ZFPM2: variants seen among roughly 807,000 people sequenced by gnomAD.
ZFPM2 encodes zinc finger protein ZFPM2.
Under a neutral mutation model 98.6 loss-of-function variants are expected in ZFPM2, and 20 were observed. The ratio of observed to expected loss-of-function variants is 0.20; its 90% CI spans 0.14 to 0.29. ZFPM2 has a LOEUF of 0.29. ZFPM2 is among the 10% of genes least tolerant of loss of function. The pLI is 1.00. For missense variants in ZFPM2, 1,310 were observed against 1,388.6 expected, an observed-to-expected ratio of 0.94 and a Z score of 0.90; for synonymous variants, 518 against 502.7, an observed-to-expected ratio of 1.03 and a Z score of -0.41.
chr8:105,534,992 C>A (rs566712909), intron 3 of ZFPM2, among the ~76,000 whole-genome samples: 1 of 152,146 alleles, frequency 6.6e-6, no homozygotes, highest in Admixed American at 6.5e-5. Context: ...TGGCATTCTC[C>A]GAATACATGG....
intron 5 of ZFPM2, among the ~76,000 whole-genome samples, chr8:105,697,722 A>G (rs960894479): frequency 5.3e-5 from 8 of 152,196 alleles, no homozygotes. Flanking sequence ...TTAGTTTACA[A>G]TTTTAAAAAT....
chr8:105,459,999 C>T (rs1243916039), intron 3 of ZFPM2, among the ~76,000 whole-genome samples: 1 of 152,082 alleles, frequency 6.6e-6, no homozygotes, highest in Non-Finnish European at 1.5e-5. Flanking sequence ...GCTTCCCTCA[C>T]CCCTTGTTCC....
chr8:105,589,394 T>C (rs1305126969), intron 4 of ZFPM2, among the ~76,000 whole-genome samples: 1 of 152,174 alleles, frequency 6.6e-6, no homozygotes, highest in Non-Finnish European at 1.5e-5. Context: ...GGCTATACTT[T>C]ATATATATTT....
chr8:105,704,364 A>G (rs1458258968), intron 5 of ZFPM2, among the ~76,000 whole-genome samples: 1 of 152,178 alleles, frequency 6.6e-6, no homozygotes, highest in East Asian at 1.9e-4. Flanking sequence ...ACGCTGTCTG[A>G]AATGTCATGG....
intron 5 of ZFPM2, among the ~76,000 whole-genome samples, chr8:105,757,588 A>G (rs765061105): frequency 1.3e-5 from 2 of 152,136 alleles, no homozygotes; most frequent in Non-Finnish European, 2.9e-5. Flanking sequence ...CACTTTGGCT[A>G]TTTTACCAAT....
chr8:105,392,688 TTACTA>T (rs1371152297), intron 1 of ZFPM2, among the ~76,000 whole-genome samples: 2 of 152,192 alleles, frequency 1.3e-5, no homozygotes, highest in Non-Finnish European at 2.9e-5. Context: ...CGAAACTACT[TTACTA>T]TAATGTCACT....
At chr8:105,610,625 G>A (rs1232201472) in intron 4 of ZFPM2, among the ~76,000 whole-genome samples, 2 of 151,982 alleles carry the variant, frequency 1.3e-5, no homozygotes, top group African/African-American at 2.4e-5. Flanking sequence ...TATATTGGGG[G>A]CTCTGTGGCC....
At chr8:105,649,172 C>G (rs564463294) in intron 5 of ZFPM2, among the ~76,000 whole-genome samples, 1 of 152,196 alleles carries the variant, frequency 6.6e-6, no homozygotes, top group East Asian at 1.9e-4. Context: ...TGATTCGGCC[C>G]CCTCTTTGTC....
intron 3 of ZFPM2, among the ~76,000 whole-genome samples, chr8:105,478,794 T>G (rs1395571558): frequency 6.6e-6 from 1 of 152,236 alleles, no homozygotes; most frequent in African/African-American, 2.4e-5. Flanking sequence ...TGAGAAGCAC[T>G]GCCTTGGAAG....
At chr8:105,704,650 T>C (rs913886855) in intron 5 of ZFPM2, among the ~76,000 whole-genome samples, 4 of 152,196 alleles carry the variant, frequency 2.6e-5, no homozygotes, top group South Asian at 2.1e-4. Flanking sequence ...TATGGAAGGC[T>C]GCAAGATTCC....
intron 5 of ZFPM2, among the ~76,000 whole-genome samples, chr8:105,659,515 T>C (rs1459231973): frequency 6.6e-6 from 1 of 152,196 alleles, no homozygotes; most frequent in Non-Finnish European, 1.5e-5. Context: ...ATCAAATAAA[T>C]TGTTTTTACC....
At chr8:105,378,713 T>A (rs1810781061) in intron 1 of ZFPM2, among the ~76,000 whole-genome samples, 1 of 152,206 alleles carries the variant, frequency 6.6e-6, no homozygotes, top group South Asian at 2.1e-4. Context: ...TTTTATTTGA[T>A]ATACCGTGTA....
intron 4 of ZFPM2, among the ~76,000 whole-genome samples, chr8:105,603,249 C>G (rs1816128878): frequency 6.6e-6 from 1 of 152,014 alleles, no homozygotes; most frequent in African/African-American, 2.4e-5. Flanking sequence ...TAGAATTATA[C>G]AGATTCTTGC....
rs371243600 is a variant in ZFPM2 at position 105,322,894 on chromosome 8, G to A, written c.40+3913G>A. On this transcript the variant is annotated intron_variant, in intron 1 of 7. Coordinates refer to ENST00000407775, the MANE Select transcript of ZFPM2 (RefSeq NM_012082.4). ...TGAGATGATATAACAATTTTAGGCC[G>A]TACGAATTCCTAACTTGCGCATTGG... is the stretch of plus-strand genomic sequence containing the variant. 8.0e-4 allele frequency among the ~76,000 whole-genome samples: 122 copies of A among 152,066 alleles called. 3 individuals carry two copies. In the South Asian group the frequency reaches 0.02, roughly 25 times the overall value.
At chr8:105,575,312 A>T (rs1815440900) in intron 4 of ZFPM2, among the ~76,000 whole-genome samples, 1 of 152,172 alleles carries the variant, frequency 6.6e-6, no homozygotes, top group Non-Finnish European at 1.5e-5. Context: ...AAAGGAAACA[A>T]TGAGCCGTTG....
chr8:105,509,774 AGTT>A (rs1441455785), intron 3 of ZFPM2, among the ~76,000 whole-genome samples: 4 of 152,136 alleles, frequency 2.6e-5, no homozygotes, highest in African/African-American at 4.8e-5. Flanking sequence ...GTGAAGTAGT[AGTT>A]ATGATCTGTT....
intron 4 of ZFPM2, among the ~76,000 whole-genome samples, chr8:105,632,804 C>T (rs1351974082): frequency 6.6e-6 from 1 of 151,946 alleles, no homozygotes; most frequent in Admixed American, 6.6e-5. Context: ...TAAGACTCCA[C>T]GATGAATCAA....
chr8:105,513,002 GTTTGT>G (rs1360699786), intron 3 of ZFPM2, among the ~76,000 whole-genome samples: 2 of 151,958 alleles, frequency 1.3e-5, no homozygotes, highest in Non-Finnish European at 2.9e-5. Flanking sequence ...TATTATTCTA[GTTTGT>G]TTTAAGTGTT....
chr8:105,495,299 A>G (rs1403767141), intron 3 of ZFPM2, among the ~76,000 whole-genome samples: 1 of 152,230 alleles, frequency 6.6e-6, no homozygotes, highest in Non-Finnish European at 1.5e-5. Context: ...CTTAGTAAAC[A>G]TTTGTTCCCT....
Sources: allele counts gnomAD v4.1 joint callset (sites outside exome capture counted in the v4.1 genomes callset), GRCh38; gene constraint gnomAD v4.1.1; transcripts MANE v1.5; gene names NCBI Gene and HGNC (gene_info 2026-07-23, HGNC 2026-07-21).